The following SYT2 variants were observed in gnomAD, a reference collection of about 807,000 sequenced individuals.
The protein encoded by SYT2 is synaptotagmin-2.
In SYT2, 15 loss-of-function variants were observed where a neutral mutation model predicts 39.9. The ratio of observed to expected loss-of-function variants is 0.38; its 90% CI spans 0.25 to 0.58. SYT2 has a LOEUF of 0.58. Ranked by LOEUF, SYT2 falls within the 20% of genes least tolerant of loss-of-function variation. The pLI, the probability that SYT2 is intolerant of heterozygous loss-of-function variation, is 0.70. For missense variants in SYT2, 389 were observed against 530.3 expected (o/e 0.73, Z 2.62); for synonymous variants, 181 against 204.5 (o/e 0.89, Z 0.98).
intron 1 of SYT2, among the ~76,000 whole-genome samples, chr1:202,687,410 C>T (rs1473989016): frequency 6.6e-6 from 1 of 152,144 alleles, no homozygotes; most frequent in Non-Finnish European, 1.5e-5. Flanking sequence ...TATCATGTTG[C>T]TCAGAGACAG....
chr1:202,594,231 G>A lies in SYT2; in HGVS notation c.*2526C>T, dbSNP rs1188738632. ...GCTCCTCACTAGCAGTGGGCTCAGAGTAATAAAAATCCAGCCCTGGTCACC... is the reference window on the plus strand; with the variant it reads ...GCTCCTCACTAGCAGTGGGCTCAGAATAATAAAAATCCAGCCCTGGTCACC... On this transcript the variant is annotated 3_prime_UTR_variant, in exon 9 of 9. Coordinates refer to ENST00000367268, the MANE Select transcript of SYT2 (RefSeq NM_177402.5). The A allele has an allele frequency of 6.6e-6, 1 of 152,266 alleles. No homozygotes were observed. Among genetic ancestry groups the A allele is most frequent in the Non-Finnish European group, 1.5e-5 (1 of 68,086 alleles). The allele number at this position is 152,266 out of a possible 1,614,324, so 9.4% of individuals were successfully genotyped here.
rs561804223 is a variant in SYT2, at chr1:202,637,618, G to A, written c.-17-31829C>T. 5.9e-4 allele frequency among the ~76,000 whole-genome samples: 90 copies of A among 152,160 alleles called. 1 individual carries two copies. In the South Asian group the frequency reaches 0.011, roughly 19 times the overall value. ...GGCTTGGAGCTGGCAGGCTCCGTCT[G>A]CCCCACTGTGAGCAGCAGCTTTGAG... On this transcript the variant is annotated intron_variant, in intron 1 of 8. Coordinates refer to ENST00000367268, the MANE Select transcript of SYT2 (RefSeq NM_177402.5).
In SYT2 at chr1:202,595,711, T is replaced by C. The variant is rs1433884511; in HGVS notation, c.*1046A>G. 1 of 152,226 alleles carries C rather than the reference T, an allele frequency of 6.6e-6. No individual in the cohort carries two copies. Among genetic ancestry groups the C allele is most frequent in the Non-Finnish European group, 1.5e-5 (1 of 68,050 alleles). The allele number at this position is 152,226 out of a possible 1,614,324, so 9.4% of individuals were successfully genotyped here. ...AAGCAAAAGCACAATGGGGAATAAA[T>C]GCAAATGAACTTGGCTGCTTATATT... On this transcript the variant is annotated 3_prime_UTR_variant, in exon 9 of 9. Coordinates refer to ENST00000367268, the MANE Select transcript of SYT2 (RefSeq NM_177402.5).
In SYT2 at chr1:202,604,457, G is replaced by C; in HGVS notation, c.343C>G (p.Gln115Glu). 6.2e-7 allele frequency: 1 copy of C among 1,613,986 alleles called. No homozygotes were observed. The change falls in exon 3 of 9, where the codon CAG becomes GAG. Residue 115 changes from glutamine to glutamate, a missense_variant and splice_region_variant. By Grantham distance (29) the Gln-to-Glu change is conservative. This residue lies in a region of SYT2 where 280 missense variants were observed against 335.6 expected (regional missense o/e 0.83). Coordinates refer to ENST00000367268, the MANE Select transcript of SYT2 (RefSeq NM_177402.5). ...CCCTCACAACCAATGTGCCCTACCTGACCCCCTTTCATGTCCTTCATGTTC... is the reference window on the plus strand; with the variant it reads ...CCCTCACAACCAATGTGCCCTACCTCACCCCCTTTCATGTCCTTCATGTTC... The part of the protein sequence containing the change: ...AMNMKDMKGG[Q>E]DDDDAETGLT...
At chr1:202,701,317 T>C (rs1354739284) in intron 1 of SYT2, among the ~76,000 whole-genome samples, 1 of 152,144 alleles carries the variant, frequency 6.6e-6, no homozygotes, top group Non-Finnish European at 1.5e-5. Context: ...TGGTATCCCA[T>C]GGAAAAATGG....
At chr1:202,645,913 A>G (rs571113610) in intron 1 of SYT2, among the ~76,000 whole-genome samples, 2 of 152,188 alleles carry the variant, frequency 1.3e-5, no homozygotes, top group Non-Finnish European at 2.9e-5. Flanking sequence ...AGGGATGACA[A>G]TGACAGCCTG....
intron 1 of SYT2, among the ~76,000 whole-genome samples, chr1:202,656,223 G>A (rs1692275330): frequency 6.6e-6 from 1 of 152,230 alleles, no homozygotes; most frequent in Non-Finnish European, 1.5e-5. Context: ...CAGTCACGGA[G>A]CATCAGCCTG....
chr1:202,658,165 G>T (rs1300426461), intron 1 of SYT2, among the ~76,000 whole-genome samples: 3 of 152,110 alleles, frequency 2.0e-5, no homozygotes, highest in African/African-American at 7.2e-5. Context: ...ATATTCCATG[G>T]CTCTGTGAGC....
chr1:202,682,261 T>C (rs1653544745), intron 1 of SYT2, among the ~76,000 whole-genome samples: 1 of 152,112 alleles, frequency 6.6e-6, no homozygotes, highest in East Asian at 1.9e-4. Context: ...TGGCAGAGCA[T>C]GATGGGTTGG....
intron 1 of SYT2, among the ~76,000 whole-genome samples, chr1:202,692,719 T>C (rs1460713848): frequency 6.6e-6 from 1 of 152,108 alleles, no homozygotes; most frequent in South Asian, 2.1e-4. Context: ...GCAGAAACAA[T>C]GTTATACAAC....
intron 1 of SYT2, among the ~76,000 whole-genome samples, chr1:202,708,247 A>C (rs1458899950): frequency 1.3e-5 from 2 of 151,992 alleles, no homozygotes; most frequent in Non-Finnish European, 1.5e-5. Flanking sequence ...CCCAAAAGAA[A>C]ACCCAAGTTC....
chr1:202,652,021 G>A (rs1244562675), intron 1 of SYT2, among the ~76,000 whole-genome samples: 1 of 152,250 alleles, frequency 6.6e-6, no homozygotes, highest in Admixed American at 6.5e-5. Flanking sequence ...TCCCGCCCCT[G>A]TACTCCAGCC....
chr1:202,622,984 C>G (rs1262877999), intron 1 of SYT2, among the ~76,000 whole-genome samples: 1 of 152,194 alleles, frequency 6.6e-6, no homozygotes, highest in Non-Finnish European at 1.5e-5. Context: ...TGGTGGCAGC[C>G]CTGCCTGAGT....
At chr1:202,659,439 G>C (rs904549156) in intron 1 of SYT2, among the ~76,000 whole-genome samples, 11 of 152,176 alleles carry the variant, frequency 7.2e-5, no homozygotes, top group Non-Finnish European at 7.4e-5. Context: ...AACTGCTGTG[G>C]AGTGACACTG....
At chr1:202,627,142 T>A (rs1319693129) in intron 1 of SYT2, among the ~76,000 whole-genome samples, 3 of 152,190 alleles carry the variant, frequency 2.0e-5, no homozygotes, top group Non-Finnish European at 2.9e-5. Context: ...CTGGGGAGCC[T>A]AAGGCCCAGA....
intron 1 of SYT2, among the ~76,000 whole-genome samples, chr1:202,612,561 T>C (rs1690914558): frequency 6.6e-6 from 1 of 152,172 alleles, no homozygotes; most frequent in Non-Finnish European, 1.5e-5. Flanking sequence ...GAGAAGGGGT[T>C]TCACCATGCT....
chr1:202,619,841 G>A (rs930401261), intron 1 of SYT2, among the ~76,000 whole-genome samples: 2 of 152,366 alleles, frequency 1.3e-5, no homozygotes, highest in Non-Finnish European at 2.9e-5. Flanking sequence ...AATCACCATA[G>A]CTCTGTTTGA....
intron 1 of SYT2, among the ~76,000 whole-genome samples, chr1:202,656,104 G>C (rs1692272826): frequency 6.6e-6 from 1 of 151,392 alleles, no homozygotes; most frequent in African/African-American, 2.4e-5. Flanking sequence ...ATGCAGCACT[G>C]GGGGAAAGCG....
intron 1 of SYT2, among the ~76,000 whole-genome samples, chr1:202,678,270 T>C (rs146016049): frequency 0.016 from 1,351 of 86,888 alleles, 36 homozygotes; most frequent in African/African-American, 0.063. Context: ...CGAGACTCTG[T>C]CTCAAAAAAA....
Sources: allele counts gnomAD v4.1 joint callset (sites outside exome capture counted in the v4.1 genomes callset), GRCh38; gene constraint gnomAD v4.1.1; regional missense constraint gnomAD v4.1.1; transcripts MANE v1.5; gene names NCBI Gene and HGNC (gene_info 2026-07-23, HGNC 2026-07-21).